WASHC3: variants seen among roughly 807,000 people sequenced by gnomAD.
WASHC3 encodes the protein WASH complex subunit CCDC53.
Under a neutral mutation model 26.1 loss-of-function variants are expected in WASHC3, and 24 were observed. That is an observed-to-expected ratio of 0.92 (90% CI 0.66 to 1.29). The LOEUF (loss-of-function observed/expected upper bound fraction) is 1.29. WASHC3 is among the 50% of genes most tolerant of loss of function. The pLI, the probability that WASHC3 is intolerant of heterozygous loss-of-function variation, is 0.00. For missense variants in WASHC3, 214 were observed against 229.6 expected, an observed-to-expected ratio of 0.93 and a Z score of 0.44; for synonymous variants, 77 against 75.7, an observed-to-expected ratio of 1.02 and a Z score of -0.09.
At chr12:102,018,859 C>T (rs73382836) in intron 6 of WASHC3, among the ~76,000 whole-genome samples, 5,967 of 152,108 alleles carry the variant, frequency 0.039, 392 homozygotes, top group East Asian at 0.29. Context: ...TGCAGTGGCA[C>T]CATCTTGGCT....
chr12:102,043,967 A>G (rs1020263749), intron 4 of WASHC3, 138 bp downstream of exon 4: 3 of 453,922 alleles, frequency 6.6e-6, no homozygotes, highest in South Asian at 3.9e-5. Context: ...TGTTTTTCCC[A>G]AACTTCATTT....
chr12:102,059,119 TCTC>T (rs887564481), intron 2 of WASHC3, among the ~76,000 whole-genome samples: 7 of 152,104 alleles, frequency 4.6e-5, no homozygotes, highest in African/African-American at 1.4e-4. Context: ...GTTCAAGAGA[TCTC>T]CTACATGTCA....
intron 5 of WASHC3, among the ~76,000 whole-genome samples, chr12:102,031,007 T>G (rs1337603484): frequency 6.6e-6 from 1 of 152,132 alleles, no homozygotes; most frequent in Non-Finnish European, 1.5e-5. Flanking sequence ...GTTTCAACAT[T>G]AAATCTGTAC....
At chr12:102,050,491 CAA>C (rs1491479520) in intron 2 of WASHC3, 1 of 412,096 alleles carries the variant, frequency 2.4e-6, no homozygotes, top group Non-Finnish European at 4.8e-6. Context: ...CACACACACA[CAA>C]TTAGCCGGGT....
At chr12:102,030,105 G>C (rs1438029254) in intron 5 of WASHC3, among the ~76,000 whole-genome samples, 1 of 151,978 alleles carries the variant, frequency 6.6e-6, no homozygotes, top group Non-Finnish European at 1.5e-5. Flanking sequence ...AGACCAGCCT[G>C]ACCAACATGG....
intron 2 of WASHC3, among the ~76,000 whole-genome samples, chr12:102,048,722 A>G (rs557239104): frequency 9.0e-4 from 137 of 152,316 alleles, no homozygotes; most frequent in African/African-American, 3.0e-3. Context: ...AAAGGATTAT[A>G]TAATTTAATG....
intron 5 of WASHC3, among the ~76,000 whole-genome samples, chr12:102,035,723 A>C (rs11111141): frequency 0.15 from 22,839 of 152,154 alleles, 1,816 homozygotes; most frequent in Non-Finnish European, 0.18. Context: ...TGTTAAAATG[A>C]ATACACGGAT....
At chr12:102,020,890 T>C (rs12302193) in intron 6 of WASHC3, among the ~76,000 whole-genome samples, 4,290 of 152,256 alleles carry the variant, frequency 0.028, 196 homozygotes, top group African/African-American at 0.099. Flanking sequence ...GAGACCAGTC[T>C]GGCCAACATG....
At chr12:102,055,502 C>T (rs897132555) in intron 2 of WASHC3, among the ~76,000 whole-genome samples, 12 of 152,264 alleles carry the variant, frequency 7.9e-5, no homozygotes, top group East Asian at 1.9e-4. Context: ...TGCACCACCA[C>T]GCCCAGTTAA....
intron 6 of WASHC3, among the ~76,000 whole-genome samples, chr12:102,015,913 G>C (rs945377750): frequency 6.6e-6 from 1 of 152,164 alleles, no homozygotes; most frequent in African/African-American, 2.4e-5. Flanking sequence ...TATTTGACCA[G>C]AAGTCTCATT....
At chr12:102,053,301 T>C (rs545995409) in intron 2 of WASHC3, among the ~76,000 whole-genome samples, 222 of 151,724 alleles carry the variant, frequency 1.5e-3, no homozygotes, top group Admixed American at 1.8e-3. Context: ...CCCACCCCTA[T>C]AGAGCTAATC....
At chr12:102,019,170 G>A (rs1876845177) in intron 6 of WASHC3, 2 of 164,938 alleles carry the variant, frequency 1.2e-5, no homozygotes, top group African/African-American at 2.4e-5. Context: ...TTCTCTTTGG[G>A]TACAAAAAAG....
chr12:102,044,915 C>T (rs1878096249), intron 3 of WASHC3, among the ~76,000 whole-genome samples: 1 of 152,098 alleles, frequency 6.6e-6, no homozygotes, highest in Non-Finnish European at 1.5e-5. Context: ...ATATCAATGA[C>T]ACGCATTTGT....
intron 5 of WASHC3, among the ~76,000 whole-genome samples, chr12:102,030,454 C>T (rs1049270270): frequency 3.3e-5 from 5 of 151,850 alleles, no homozygotes; most frequent in African/African-American, 7.3e-5. Flanking sequence ...CTTTTCTCCT[C>T]GAAGCTTTCA....
intron 5 of WASHC3, among the ~76,000 whole-genome samples, chr12:102,036,287 G>C (rs1346080061): frequency 1.3e-5 from 2 of 151,722 alleles, no homozygotes; most frequent in African/African-American, 4.8e-5. Flanking sequence ...GCTTGAATCT[G>C]GGAGGCAGAG....
chr12:102,013,301 A>G, intron 6 of WASHC3, 109 bp from the exon 7 acceptor site: 1 of 634,436 alleles, frequency 1.6e-6, no homozygotes, highest in Non-Finnish European at 2.8e-6. Context: ...AAATCTGCCA[A>G]GTCCGTGTCC....
intron 6 of WASHC3, among the ~76,000 whole-genome samples, chr12:102,015,700 C>T (rs1184605134): frequency 6.6e-6 from 1 of 152,086 alleles, no homozygotes; most frequent in East Asian, 1.9e-4. Flanking sequence ...ACAAGTAGTT[C>T]CTTCCCTGAA....
chr12:102,061,628 G>C (rs768218498), intron 1 of WASHC3, among the ~76,000 whole-genome samples: 1 of 152,224 alleles, frequency 6.6e-6, no homozygotes, highest in Non-Finnish European at 1.5e-5. Flanking sequence ...CTGAATAAGA[G>C]GTAGGGCTAG....
chr12:102,047,426 T>A (rs1878210372), intron 2 of WASHC3, among the ~76,000 whole-genome samples: 4 of 152,200 alleles, frequency 2.6e-5, no homozygotes, highest in Admixed American at 2.0e-4. Flanking sequence ...AAAGACATAA[T>A]CTACAAATAA....
Sources: gnomAD v4.1 joint callset for allele counts (sites outside exome capture counted in the v4.1 genomes callset) on GRCh38, gnomAD v4.1.1 for gene constraint, MANE v1.5 for transcripts, NCBI Gene and HGNC (gene_info 2026-07-23, HGNC 2026-07-21) for gene names.